TRHDE: variants seen among roughly 807,000 people sequenced by gnomAD.
The protein encoded by TRHDE is thyrotropin releasing hormone degrading enzyme.
A neutral mutation model predicts 125.7 loss-of-function variants in TRHDE; 72 were observed. The observed-to-expected ratio is 0.57, with a 90% CI of 0.47 to 0.70. The LOEUF (loss-of-function observed/expected upper bound fraction) is 0.70. Among genes scored for constraint, TRHDE ranks in the 30% least tolerant of loss-of-function variants. The pLI is 0.00. For synonymous variants in TRHDE, 509 were observed against 509.1 expected (o/e 1.00, Z 0.00); for missense variants, 1,110 against 1,327.1 (o/e 0.84, Z 2.54).
At chr12:72,555,485 C>A (rs1311321441) in intron 7 of TRHDE, among the ~76,000 whole-genome samples, 1 of 151,960 alleles carries the variant, frequency 6.6e-6, no homozygotes, top group Non-Finnish European at 1.5e-5. Context: ...AATAATTATA[C>A]CTTTTCATCT....
chr12:72,631,547 G>T (rs1051697224), intron 15 of TRHDE, among the ~76,000 whole-genome samples: 2 of 151,766 alleles, frequency 1.3e-5, no homozygotes, highest in African/African-American at 4.8e-5. Flanking sequence ...AAGAAAACAG[G>T]AAGCTCAAAA....
rs80254018 is a variant in TRHDE at position 72,347,039 on chromosome 12, G to C, written c.1189-30956G>C. Among the ~76,000 whole-genome samples the C allele has an allele frequency of 3.7e-3, 565 of 152,146 alleles. 3 individuals are homozygous for C. Among genetic ancestry groups the C allele is most frequent in the African/African-American group, 0.013 (546 of 41,520 alleles). ...GTATCCAAATTGTCTGCTTTTTAAG[G>C]ATGCCAGTGATACTGGATTAGGGGC... is the stretch of plus-strand genomic sequence containing the variant. On this transcript the variant is annotated intron_variant, in intron 2 of 18. Transcript: ENST00000261180.
intron 15 of TRHDE, among the ~76,000 whole-genome samples, chr12:72,629,024 T>G (rs1456159599): frequency 6.6e-6 from 1 of 151,848 alleles, no homozygotes; most frequent in Non-Finnish European, 1.5e-5. Context: ...CTGGTTGTAT[T>G]TTTAATTTAG....
At chr12:72,449,669 A>G (rs1273498649) in intron 3 of TRHDE, among the ~76,000 whole-genome samples, 1 of 151,940 alleles carries the variant, frequency 6.6e-6, no homozygotes, top group Non-Finnish European at 1.5e-5. Context: ...GATGCAGCAT[A>G]GAGTTCAGAT....
At position 72,429,497 on chromosome 12, in the gene TRHDE, C is replaced by T. The variant is rs191745820; in HGVS notation, c.1316-40261C>T. Among the ~76,000 whole-genome samples the T allele has an allele frequency of 3.2e-3, 493 of 151,840 alleles. 1 individual carries two copies. Among genetic ancestry groups the T allele is most frequent in the African/African-American group, 0.011 (455 of 41,444 alleles). ...TAATGCTGCTATGAATATTCATGTA[C>T]GTGTTATTCTGTGGATATGTATTTT... is the stretch of plus-strand genomic sequence containing the variant. On this transcript the variant is annotated intron_variant, in intron 3 of 18. Transcript: ENST00000261180.
At chr12:72,197,581 A>G (rs906507943) in intron 2 of TRHDE, among the ~76,000 whole-genome samples, 2 of 152,126 alleles carry the variant, frequency 1.3e-5, no homozygotes, top group African/African-American at 2.4e-5. Context: ...TAAAATCTGA[A>G]ATGTTTACTA....
At chr12:72,218,830 C>A (rs888302983) in intron 2 of TRHDE, among the ~76,000 whole-genome samples, 1 of 152,132 alleles carries the variant, frequency 6.6e-6, no homozygotes, top group Non-Finnish European at 1.5e-5. Context: ...ATCTGGATGA[C>A]CTTATCTTGT....
intron 2 of TRHDE, among the ~76,000 whole-genome samples, chr12:72,127,776 T>C (rs957472628): frequency 3.9e-5 from 6 of 152,148 alleles, no homozygotes; most frequent in Non-Finnish European, 8.8e-5. Context: ...CATCACACAA[T>C]ATACGTACAT....
At chr12:72,579,645 G>T (rs1242175212) in intron 12 of TRHDE, among the ~76,000 whole-genome samples, 3 of 151,924 alleles carry the variant, frequency 2.0e-5, no homozygotes, top group Non-Finnish European at 4.4e-5. Context: ...ATAGCTTTCT[G>T]GTTCTGTCTC....
At chr12:72,296,638 A>T (rs58523622) in intron 2 of TRHDE, among the ~76,000 whole-genome samples, 26,053 of 152,024 alleles carry the variant, frequency 0.17, 2,322 homozygotes, top group Middle Eastern at 0.32. Context: ...CCTCTGCTGC[A>T]TGAGAGAAAT....
chr12:72,514,286 G>A (rs1592502709), intron 6 of TRHDE, among the ~76,000 whole-genome samples: 1 of 152,016 alleles, frequency 6.6e-6, no homozygotes, highest in African/African-American at 2.4e-5. Context: ...ATTAAGAGAA[G>A]AATCATTTGT....
At position 72,286,919 on chromosome 12, in the gene TRHDE, A is replaced by G; in HGVS notation, c.1153A>G (p.Thr385Ala). Reference sequence around the variant, plus strand: ...TTTAGCCTGGGCAATTTGCAACTTCACATACAGAGAAACTACCACCAAGAG... The same window carrying G: ...TTTAGCCTGGGCAATTTGCAACTTCGCATACAGAGAAACTACCACCAAGAG... Reference protein sequence around the residue: ...YYLAWAICNFTYRETTTKSGV... With the variant: ...YYLAWAICNFAYRETTTKSGV... The change falls in exon 2 of 19, where the codon ACA becomes GCA. Residue 385 changes from threonine (T) to alanine (A), a missense_variant. Coordinates refer to ENST00000261180, the MANE Select transcript of TRHDE (RefSeq NM_013381.3). 6.2e-7 allele frequency: 1 copy of G among 1,613,974 alleles called. No homozygotes were observed. The highest frequency in any genetic ancestry group is 8.5e-7 in the Non-Finnish European group (1 of 1,179,974).
At chr12:72,315,643 T>C (rs928617915) in intron 2 of TRHDE, among the ~76,000 whole-genome samples, 2 of 152,256 alleles carry the variant, frequency 1.3e-5, no homozygotes, top group African/African-American at 4.8e-5. Flanking sequence ...GCAGAGCTGC[T>C]GGAAAATGTG....
At chr12:72,114,824 G>A (rs1310598864) in intron 2 of TRHDE, among the ~76,000 whole-genome samples, 2 of 151,980 alleles carry the variant, frequency 1.3e-5, no homozygotes, top group African/African-American at 4.8e-5. Context: ...TGTTTCTGTG[G>A]TAATTTGTTC....
At chr12:72,282,399 T>G (rs1405945636) in intron 1 of TRHDE, among the ~76,000 whole-genome samples, 1 of 152,172 alleles carries the variant, frequency 6.6e-6, no homozygotes, top group Non-Finnish European at 1.5e-5. Context: ...TGGGACTCTT[T>G]GATGTTTTTA....
At chr12:72,422,838 TA>T (rs980682081) in intron 3 of TRHDE, among the ~76,000 whole-genome samples, 2 of 152,200 alleles carry the variant, frequency 1.3e-5, no homozygotes, top group Non-Finnish European at 2.9e-5. Context: ...TCTTTCATTA[TA>T]AGAAGGGCTT....
chr12:72,226,421 T>C (rs1456242705), intron 2 of TRHDE, among the ~76,000 whole-genome samples: 3 of 152,192 alleles, frequency 2.0e-5, no homozygotes, highest in East Asian at 1.9e-4. Flanking sequence ...CTCCGATATA[T>C]ACAAAAGTGT....
chr12:72,395,043 TA>T (rs1872738204), intron 3 of TRHDE, among the ~76,000 whole-genome samples: 1 of 152,270 alleles, frequency 6.6e-6, no homozygotes, highest in African/African-American at 2.4e-5. Flanking sequence ...ACATAGTTAT[TA>T]TTTTTTTGTG....
chr12:72,620,823 T>A (rs1873022854), intron 13 of TRHDE, among the ~76,000 whole-genome samples: 1 of 152,124 alleles, frequency 6.6e-6, no homozygotes, highest in Non-Finnish European at 1.5e-5. Flanking sequence ...TTTCCTCATT[T>A]TGTTACAAAA....
Sources: allele counts gnomAD v4.1 joint callset (sites outside exome capture counted in the v4.1 genomes callset), GRCh38; gene constraint gnomAD v4.1.1; transcripts MANE v1.5; gene names NCBI Gene and HGNC (gene_info 2026-07-23, HGNC 2026-07-21).